PARD3B: variants seen among roughly 807,000 people sequenced by gnomAD.
PARD3B encodes partitioning defective 3 homolog B.
Under a neutral mutation model 130.2 loss-of-function variants are expected in PARD3B, and 103 were observed. The ratio of observed to expected loss-of-function variants is 0.79; its 90% CI spans 0.67 to 0.93. The LOEUF is 0.93. PARD3B is among the 40% of genes least tolerant of loss of function. PARD3B has a pLI of 0.00. For synonymous variants in PARD3B, 583 were observed against 553.2 expected, an observed-to-expected ratio of 1.05 and a Z score of -0.76; for missense variants, 1,609 against 1,499.2, an observed-to-expected ratio of 1.07 and a Z score of -1.21.
chr2:204,573,665 G>T (rs1169912947), intron 1 of PARD3B, among the ~76,000 whole-genome samples: 1 of 152,130 alleles, frequency 6.6e-6, no homozygotes, highest in East Asian at 1.9e-4. Flanking sequence ...CGTTGTGATT[G>T]GTATACCATC....
At chr2:205,324,929 C>G (rs17200062) in intron 18 of PARD3B, among the ~76,000 whole-genome samples, 5,066 of 152,186 alleles carry the variant, frequency 0.033, 99 homozygotes, top group Middle Eastern at 0.058. Flanking sequence ...CCAAGGCTAT[C>G]CAATAAATCA....
At chr2:204,998,401 T>TTAGAGAAGAAATGAA (rs1694493749) in intron 3 of PARD3B, among the ~76,000 whole-genome samples, 1 of 64,996 alleles carries the variant, frequency 1.5e-5, no homozygotes, top group Non-Finnish European at 3.0e-5. Flanking sequence ...TATATGTATA[T>TTAGAGAAGAAATGAA]ATGTGTATAT....
chr2:205,208,321 C>T (rs2125841948), intron 15 of PARD3B, among the ~76,000 whole-genome samples: 1 of 115,188 alleles, frequency 8.7e-6, no homozygotes, highest in South Asian at 3.0e-4. Flanking sequence ...GACAGGGATG[C>T]CCTCTCTCAC....
In PARD3B at chr2:205,176,247, C is replaced by T. The variant is rs55814451; in HGVS notation, c.1792-198C>T. ...TATCAGCACTCCTAATCCTTAGCAC[C>T]ACAGTGTCAGTACTTTTTATTTTAG... On this transcript the variant is annotated intron_variant, in intron 12 of 22. Transcript: ENST00000406610. The surrounding 1 kb of genome is among the most constrained non-coding windows in gnomAD (Gnocchi z 5.3). Among the ~76,000 whole-genome samples, 14,840 of 152,130 alleles carry T rather than the reference C, an allele frequency of 0.098. 1,049 individuals are homozygous for T. The highest frequency in any genetic ancestry group is 0.2 in the Middle Eastern group (58 of 294).
In PARD3B at chr2:205,229,829, C is replaced by T. The variant is rs746997063; in HGVS notation, c.2141-15949C>T. ...GCCTAGAGTCAGAAACCTTAGATGT[C>T]TACCTGGTGCTCCATTTTCTTGAGT... is the stretch of plus-strand genomic sequence containing the variant. On this transcript the variant is annotated intron_variant, in intron 15 of 22. Coordinates refer to ENST00000406610, the MANE Select transcript of PARD3B (RefSeq NM_001302769.2). The surrounding 1 kb of genome is among the most constrained non-coding windows in gnomAD (Gnocchi z 5.2). Among the ~76,000 whole-genome samples the T allele has an allele frequency of 2.1e-4, 32 of 152,016 alleles. No individual in the cohort carries two copies. The highest frequency in any genetic ancestry group is 2.9e-5 in the Non-Finnish European group (2 of 68,010).
rs1016710007 is a variant in PARD3B at position 205,454,714 on chromosome 2, A to C, written c.3044+14042A>C. 2.6e-5 allele frequency among the ~76,000 whole-genome samples: 4 copies of C among 152,160 alleles called. 1 individual carries two copies. Among genetic ancestry groups the C allele is most frequent in the African/African-American group, 9.6e-5 (4 of 41,454 alleles). On this transcript the variant is annotated intron_variant, in intron 20 of 22. Transcript: ENST00000406610. ...CTATGTCAAGTTCAGTAGGGGGCCT[A>C]GGCTCAAGCCATGCTCATTCTTAGA... is the stretch of plus-strand genomic sequence containing the variant.
At chr2:205,424,742 G>A (rs1218760491) in intron 19 of PARD3B, among the ~76,000 whole-genome samples, 1 of 152,148 alleles carries the variant, frequency 6.6e-6, no homozygotes, top group Non-Finnish European at 1.5e-5. Flanking sequence ...TTCAACAGAA[G>A]GGGTTGATCC....
At chr2:205,167,982 G>A (rs1374081152) in intron 11 of PARD3B, among the ~76,000 whole-genome samples, 1 of 152,194 alleles carries the variant, frequency 6.6e-6, no homozygotes, top group Non-Finnish European at 1.5e-5. Context: ...GGTCCTCTGT[G>A]CGTCCTACTG....
At chr2:204,883,533 T>C (rs561769833) in intron 2 of PARD3B, among the ~76,000 whole-genome samples, 1,894 of 145,476 alleles carry the variant, frequency 0.013, 22 homozygotes, top group Non-Finnish European at 0.02. Flanking sequence ...CTGCAACCTC[T>C]GCCTCCCGGG....
Position 205,615,997 on chromosome 2 carries a change from G to A in PARD3B, c.*184G>A. The A allele has an allele frequency of 3.5e-6, 2 of 568,388 alleles. No individual in the cohort carries two copies. Among genetic ancestry groups the A allele is most frequent in the South Asian group, 3.5e-5 (1 of 28,918 alleles). The allele number at this position is 568,388 out of a possible 1,614,324, so 35.2% of individuals were successfully genotyped here. ...AAAAGAAGGGGAAGGGAATTGGGGA[G>A]GAAAAAAAATCAGAAGGAAGACGAA... On this transcript the variant is annotated 3_prime_UTR_variant, in exon 23 of 23. Coordinates refer to ENST00000406610, the MANE Select transcript of PARD3B (RefSeq NM_001302769.2).
chr2:205,579,155 G>T (rs1447302086), intron 22 of PARD3B, among the ~76,000 whole-genome samples: 2 of 152,110 alleles, frequency 1.3e-5, no homozygotes, highest in Non-Finnish European at 2.9e-5. Flanking sequence ...GGGCCCTGAA[G>T]TCTCTTTTCA....
intron 2 of PARD3B, among the ~76,000 whole-genome samples, chr2:204,802,058 C>G (rs1394433338): frequency 1.3e-5 from 2 of 152,152 alleles, no homozygotes; most frequent in Non-Finnish European, 2.9e-5. Flanking sequence ...ATGAAGCCAA[C>G]TTGATTGTAG....
chr2:205,344,189 T>G, intron 18 of PARD3B, among the ~76,000 whole-genome samples: 1 of 119,706 alleles, frequency 8.4e-6, no homozygotes, highest in African/African-American at 2.9e-5. Flanking sequence ...AATGTGTCAG[T>G]TGGTTTGTGT....
chr2:204,909,217 A>T (rs922267012), intron 2 of PARD3B, among the ~76,000 whole-genome samples: 1 of 152,206 alleles, frequency 6.6e-6, no homozygotes, highest in Non-Finnish European at 1.5e-5. Context: ...ATTTGGCTAT[A>T]AAATTGAAAA....
intron 20 of PARD3B, among the ~76,000 whole-genome samples, chr2:205,456,654 T>G (rs1011057884): frequency 2.0e-5 from 3 of 151,884 alleles, no homozygotes; most frequent in Non-Finnish European, 4.4e-5. Context: ...TCTTGTGATT[T>G]TTTTTTGTTT....
At chr2:205,350,432 G>C (rs2043957119) in intron 18 of PARD3B, among the ~76,000 whole-genome samples, 2 of 152,250 alleles carry the variant, frequency 1.3e-5, no homozygotes, top group South Asian at 4.1e-4. Flanking sequence ...GTTAGATTTT[G>C]TACATTAGTG....
intron 10 of PARD3B, among the ~76,000 whole-genome samples, chr2:205,131,942 G>A (rs944834361): frequency 1.3e-5 from 2 of 152,132 alleles, no homozygotes; most frequent in Admixed American, 6.5e-5. Context: ...CCTGGGTTGA[G>A]CCTTGACTCT....
At chr2:204,987,398 C>A (rs1366632187) in intron 3 of PARD3B, among the ~76,000 whole-genome samples, 1 of 152,084 alleles carries the variant, frequency 6.6e-6, no homozygotes, top group Non-Finnish European at 1.5e-5. Flanking sequence ...TATGTGCTTT[C>A]ATGAAGAATA....
intron 20 of PARD3B, among the ~76,000 whole-genome samples, chr2:205,472,305 A>G (rs542898733): frequency 6.6e-6 from 1 of 152,044 alleles, no homozygotes; most frequent in African/African-American, 2.4e-5. Context: ...ACACACACAC[A>G]CTTTCTCTTT....
Sources: gnomAD v4.1 joint callset for allele counts (sites outside exome capture counted in the v4.1 genomes callset) on GRCh38, gnomAD v4.1.1 for gene constraint, Gnocchi (gnomAD v3.1) non-coding constraint, MANE v1.5 for transcripts, NCBI Gene and HGNC (gene_info 2026-07-23, HGNC 2026-07-21) for gene names.